The following ALG8 variants were observed in gnomAD, a reference collection of about 807,000 sequenced individuals.
The protein encoded by ALG8 is dolichyl pyrophosphate Glc1Man9GlcNAc2 alpha-1,3-glucosyltransferase.
A neutral mutation model predicts 70.2 loss-of-function variants in ALG8; 48 were observed. The observed-to-expected ratio is 0.68, with a 90% CI of 0.54 to 0.87. The LOEUF (loss-of-function observed/expected upper bound fraction) is 0.87. ALG8 is among the 40% of genes least tolerant of loss of function. The pLI, the probability that ALG8 is intolerant of heterozygous loss-of-function variation, is 0.00. For missense variants in ALG8, 572 were observed against 608.7 expected, an observed-to-expected ratio of 0.94 and a Z score of 0.64; for synonymous variants, 234 against 229.0, an observed-to-expected ratio of 1.02 and a Z score of -0.20.
intron 3 of ALG8, among the ~76,000 whole-genome samples, chr11:78,123,649 T>C (rs1313391897): frequency 6.6e-6 from 1 of 152,124 alleles, no homozygotes; most frequent in Non-Finnish European, 1.5e-5. Flanking sequence ...ATGTACTGTG[T>C]GCATACCCTA....
chr11:78,120,970 G>T, intron 4 of ALG8, 95 bp downstream of exon 4: 1 of 1,187,762 alleles, frequency 8.4e-7, no homozygotes, highest in Non-Finnish European at 1.2e-6. Flanking sequence ...TTCAGAAGGA[G>T]CTCACATCTC....
intron 1 of ALG8, chr11:78,137,250 G>A (rs1861594842): frequency 6.6e-6 from 1 of 152,218 alleles, no homozygotes; most frequent in Non-Finnish European, 1.5e-5. Flanking sequence ...ACCTCTCTTA[G>A]GCTTCAAAGA....
chr11:78,109,390 A>C (rs1165392765), intron 9 of ALG8, 52 bp downstream of exon 9: 1 of 1,612,062 alleles, frequency 6.2e-7, no homozygotes, highest in African/African-American at 1.3e-5. Flanking sequence ...CAGCCAGACA[A>C]AAGAAAAGCA....
rs1401833410 is a variant in ALG8, at chr11:78,124,043, G to A, written c.346C>T (p.Leu116Phe). ...TACTCACGGACAGCATACACAAAGA[G>A]TACATCCATAAAGATGACGGAAAAT... ...QRFSVIFMDVLFVYAVRECCK... is the reference protein window; with the variant it reads ...QRFSVIFMDVFFVYAVRECCK... Residue 116 changes from leucine (L) to phenylalanine (F), a missense_variant, in exon 3 of 13, where the codon CTC (leucine) becomes TTC (phenylalanine). Physicochemically the swap from Leu to Phe is conservative, Grantham distance 22. Transcript: ENST00000299626. The A allele has an allele frequency of 1.2e-6, 2 of 1,613,958 alleles. No homozygotes were observed. The highest frequency in any genetic ancestry group is 2.7e-5 in the African/African-American group (2 of 74,880).
At chr11:78,131,033 C>T (rs955788130) in intron 1 of ALG8, among the ~76,000 whole-genome samples, 1 of 152,106 alleles carries the variant, frequency 6.6e-6, no homozygotes, top group African/African-American at 2.4e-5. Flanking sequence ...ACAGCATTTA[C>T]AAAATCTGAG....
intron 5 of ALG8, among the ~76,000 whole-genome samples, chr11:78,118,760 C>T (rs1415439553): frequency 6.6e-6 from 1 of 151,840 alleles, no homozygotes; most frequent in African/African-American, 2.4e-5. Flanking sequence ...ATGGCAAGAC[C>T]CTGTCTCTAC....
intron 7 of ALG8, among the ~76,000 whole-genome samples, 186 bp downstream of exon 7, chr11:78,113,700 G>A (rs1478355810): frequency 5.4e-5 from 7 of 130,046 alleles, no homozygotes; most frequent in Non-Finnish European, 9.4e-5. Context: ...GCGACACAGT[G>A]AGACTCCATC....
At chr11:78,113,788 T>C (rs1590815902) in intron 7 of ALG8, 98 bp downstream of exon 7, 1 of 974,894 alleles carries the variant, frequency 1.0e-6, no homozygotes, top group Non-Finnish European at 1.5e-6. Context: ...AAGAAAAAAG[T>C]AGCTTTTACT....
At chr11:78,115,025 TTTTTA>T (rs562509326) in intron 5 of ALG8, among the ~76,000 whole-genome samples, 13 of 152,162 alleles carry the variant, frequency 8.5e-5, no homozygotes, top group African/African-American at 2.2e-4. Flanking sequence ...CTTTTTTAAA[TTTTTA>T]TTTTATTTTA....
chr11:78,136,497 G>A (rs897695175), intron 1 of ALG8, among the ~76,000 whole-genome samples: 44 of 151,964 alleles, frequency 2.9e-4, no homozygotes, highest in African/African-American at 9.9e-4. Context: ...TGATGGTGCC[G>A]CTGTACTTCA....
At chr11:78,115,126 C>T (rs763311811) in intron 5 of ALG8, among the ~76,000 whole-genome samples, 1 of 152,302 alleles carries the variant, frequency 6.6e-6, no homozygotes, top group African/African-American at 2.4e-5. Flanking sequence ...TCCGCCTCCT[C>T]GGTTCAAGCA....
intron 3 of ALG8, among the ~76,000 whole-genome samples, chr11:78,123,757 A>G (rs2136925084): frequency 6.6e-6 from 1 of 152,298 alleles, no homozygotes; most frequent in South Asian, 2.1e-4. Context: ...CCCTAGAACT[A>G]TACTTGGGAC....
intron 12 of ALG8, 93 bp downstream of exon 12, chr11:78,103,887 T>A: frequency 1.4e-6 from 1 of 701,094 alleles, no homozygotes; most frequent in Non-Finnish European, 2.4e-6. Context: ...ATTACTGTTA[T>A]AACTTAAAAA....
chr11:78,114,108 G>T (rs1860447653), intron 6 of ALG8, 119 bp from the exon 7 acceptor site: 7 of 1,359,924 alleles, frequency 5.1e-6, no homozygotes, highest in Non-Finnish European at 6.2e-6. Flanking sequence ...TTCATGATGT[G>T]GCAAGAGCAG....
intron 1 of ALG8, among the ~76,000 whole-genome samples, chr11:78,128,481 A>G (rs578007849): frequency 6.5e-4 from 99 of 152,172 alleles, no homozygotes; most frequent in Middle Eastern, 3.4e-3. Context: ...TCCTATATTC[A>G]TCAGGGACAT....
chr11:78,130,583 T>C (rs1590839999), intron 1 of ALG8, among the ~76,000 whole-genome samples: 1 of 152,280 alleles, frequency 6.6e-6, no homozygotes, highest in East Asian at 1.9e-4. Flanking sequence ...CACTGAACTT[T>C]GGAAGCTTAT....
In ALG8 at chr11:78,113,976, T is replaced by C; in HGVS notation, c.687A>G (p.Arg229=). 6.3e-7 allele frequency: 1 copy of C among 1,595,104 alleles called. No individual in the cohort carries two copies. Among genetic ancestry groups the C allele is most frequent in the Non-Finnish European group, 8.5e-7 (1 of 1,170,196 alleles). ...CACGAACAAAGCTGAAACTCTTCCA[T>C]CGAATAGACCCATCTACAGAAAAGG... ...FTANKPDGSI[R]WKSFSFVRVI... The change falls in exon 7 of 13, where the codon CGA becomes CGG. Residue 229 remains arginine, a synonymous_variant. Coordinates refer to ENST00000299626, the MANE Select transcript of ALG8 (RefSeq NM_024079.5).
intron 5 of ALG8, chr11:78,114,907 T>C: frequency 4.8e-6 from 1 of 209,366 alleles, no homozygotes; most frequent in Non-Finnish European, 9.9e-6. Context: ...GCCCAGGAGG[T>C]GGAGGCTGCA....
rs188812567 is a variant in ALG8 at position 78,135,621 on chromosome 11, G to A, written c.95+3873C>T. On this transcript the variant is annotated intron_variant, in intron 1 of 12. Coordinates refer to ENST00000299626, the MANE Select transcript of ALG8 (RefSeq NM_024079.5). ...CCAACACTTTGGGAGGCCAAAGAGA[G>A]CAGATCACTTGAGGCCAGGAGTTCA... Among the ~76,000 whole-genome samples, 14 of 152,252 alleles carry A rather than the reference G, an allele frequency of 9.2e-5. No homozygotes were observed. The East Asian group carries it at 2.7e-3, about 29-fold the overall frequency.
Sources: gnomAD v4.1 joint callset for allele counts (sites outside exome capture counted in the v4.1 genomes callset) on GRCh38, gnomAD v4.1.1 for gene constraint, MANE v1.5 for transcripts, NCBI Gene and HGNC (gene_info 2026-07-23, HGNC 2026-07-21) for gene names.